Variants in PKP4 observed in about 807,000 individuals in gnomAD.
PKP4 encodes plakophilin-4.
A neutral mutation model predicts 145.1 loss-of-function variants in PKP4; 90 were observed. The observed-to-expected ratio is 0.62, with a 90% CI of 0.52 to 0.74. PKP4 has a LOEUF of 0.74. PKP4 is among the 30% of genes least tolerant of loss of function. The probability of loss-of-function intolerance (pLI) is 0.00; values close to 1 mark genes in which losing one functional copy is unlikely to be tolerated. For synonymous variants in PKP4, 563 were observed against 577.2 expected (o/e 0.98, Z 0.35); for missense variants, 1,340 against 1,482.7 (o/e 0.90, Z 1.58).
chr2:158,509,661 G>A (rs1341273428), intron 1 of PKP4, among the ~76,000 whole-genome samples: 1 of 152,140 alleles, frequency 6.6e-6, no homozygotes, highest in Non-Finnish European at 1.5e-5. Flanking sequence ...AGAAATACTA[G>A]TGTGGGCCGG....
At chr2:158,494,846 T>C (rs1356066553) in intron 1 of PKP4, among the ~76,000 whole-genome samples, 1 of 152,024 alleles carries the variant, frequency 6.6e-6, no homozygotes, top group African/African-American at 2.4e-5. Context: ...TGCAAAAACT[T>C]TAATGAGATG....
chr2:158,532,479 T>C (rs568255415), intron 1 of PKP4, among the ~76,000 whole-genome samples: 2 of 152,334 alleles, frequency 1.3e-5, no homozygotes, highest in East Asian at 3.9e-4. Context: ...GATGTGTAAA[T>C]GAGTTATTAA....
intron 15 of PKP4, among the ~76,000 whole-genome samples, chr2:158,665,455 G>T (rs1458859743): frequency 6.6e-6 from 1 of 152,164 alleles, no homozygotes; most frequent in Non-Finnish European, 1.5e-5. Context: ...CAAGAAACTG[G>T]ATGGTCAATC....
chr2:158,555,486 A>C (rs973126870), intron 2 of PKP4, among the ~76,000 whole-genome samples: 5 of 152,254 alleles, frequency 3.3e-5, no homozygotes, highest in Non-Finnish European at 7.3e-5. Flanking sequence ...ATTAGCATCA[A>C]TAACTAAGAA....
intron 2 of PKP4, among the ~76,000 whole-genome samples, chr2:158,554,941 A>G (rs2045964646): frequency 6.6e-6 from 1 of 151,814 alleles, no homozygotes; most frequent in Admixed American, 6.6e-5. Context: ...TGCACAGTGC[A>G]TGTTTCTGTT....
chr2:158,472,628 AAAAAAGAATT>A (rs1313267945), intron 1 of PKP4, among the ~76,000 whole-genome samples: 2 of 151,568 alleles, frequency 1.3e-5, no homozygotes, highest in Non-Finnish European at 2.9e-5. Context: ...AAAAAAAAAA[AAAAAAGAATT>A]AAAAACTATC....
intron 2 of PKP4, among the ~76,000 whole-genome samples, chr2:158,553,033 T>A (rs1286902268): frequency 2.0e-5 from 3 of 152,106 alleles, no homozygotes. Context: ...GAATTGTCTC[T>A]CCCAGTCCTG....
chr2:158,666,622 C>T (rs767502925), intron 16 of PKP4, 59 bp downstream of exon 16: 2 of 1,415,998 alleles, frequency 1.4e-6, no homozygotes, highest in Non-Finnish European at 1.9e-6. Context: ...ATTCATGAAA[C>T]TCTTCTTTTG....
At chr2:158,566,983 G>A (rs1313791973) in intron 2 of PKP4, among the ~76,000 whole-genome samples, 4 of 152,182 alleles carry the variant, frequency 2.6e-5, no homozygotes, top group African/African-American at 9.7e-5. Flanking sequence ...TGCTAAGGCT[G>A]GAAACTCCTG....
intron 2 of PKP4, among the ~76,000 whole-genome samples, chr2:158,570,371 A>G (rs2047319531): frequency 6.6e-6 from 1 of 152,236 alleles, no homozygotes; most frequent in African/African-American, 2.4e-5. Flanking sequence ...GATGTGGGAA[A>G]TGGGGAGAAA....
chr2:158,543,449 C>T (rs558585807), intron 2 of PKP4, among the ~76,000 whole-genome samples: 15 of 152,212 alleles, frequency 9.9e-5, no homozygotes, highest in African/African-American at 1.4e-4. Flanking sequence ...GGTCTTATGT[C>T]GGGGGAAGAG....
intron 1 of PKP4, among the ~76,000 whole-genome samples, chr2:158,497,296 A>C (rs1695882940): frequency 6.7e-6 from 1 of 149,410 alleles, no homozygotes; most frequent in Admixed American, 6.7e-5. Flanking sequence ...TTTCAGTGTT[A>C]CGCAGTATTT....
chr2:158,621,427 C>T lies in PKP4; in HGVS notation c.603+6C>T. ...AAGGACAAACACTGGTTCAGGTAAG[C>T]CAAACGCATCAAGATCTCTGCAAAG... On this transcript the variant is annotated splice_donor_region_variant and intron_variant, in intron 6 of 21. Coordinates refer to ENST00000389759, the MANE Select transcript of PKP4 (RefSeq NM_003628.6). The T allele has an allele frequency of 6.2e-7, 1 of 1,611,186 alleles. No homozygotes were observed. Among genetic ancestry groups the T allele is most frequent in the South Asian group, 1.1e-5 (1 of 90,972 alleles).
At chr2:158,537,752 G>A (rs956375177) in intron 2 of PKP4, among the ~76,000 whole-genome samples, 1 of 152,166 alleles carries the variant, frequency 6.6e-6, no homozygotes, top group African/African-American at 2.4e-5. Flanking sequence ...ACAGCGCTGG[G>A]CATGGTGGTT....
chr2:158,502,992 T>C (rs1696811725), intron 1 of PKP4, among the ~76,000 whole-genome samples: 1 of 152,244 alleles, frequency 6.6e-6, no homozygotes, highest in African/African-American at 2.4e-5. Context: ...TTAAAGACTT[T>C]AGGCCTGTAA....
chr2:158,658,035 C>A, intron 11 of PKP4, 96 bp from the exon 12 acceptor site: 1 of 752,840 alleles, frequency 1.3e-6, no homozygotes, highest in Non-Finnish European at 2.2e-6. Context: ...AGGTTTGGAA[C>A]AGACTGACTT....
intron 2 of PKP4, among the ~76,000 whole-genome samples, chr2:158,536,629 T>C (rs2044071095): frequency 6.6e-6 from 1 of 152,220 alleles, no homozygotes; most frequent in African/African-American, 2.4e-5. Context: ...TGGGCTATGC[T>C]TTCCCTAGAA....
In PKP4 at chr2:158,625,360, G is replaced by A; in HGVS notation, c.1086G>A (p.Glu362=). 6.2e-7 allele frequency: 1 copy of A among 1,614,200 alleles called. No individual in the cohort carries two copies. Among genetic ancestry groups the A allele is most frequent in the Admixed American group, 1.7e-5 (1 of 60,026 alleles). ...PSLQRTVHDM[E]QFGQQQYDIY... ...TGCAAAGGACTGTTCATGACATGGA[G>A]CAATTCGGACAGCAGCAGTATGACA... The change falls in exon 7 of 22, where the codon GAG becomes GAA. Residue 362 remains glutamate (E), a synonymous_variant. Transcript: ENST00000389759.
intron 2 of PKP4, among the ~76,000 whole-genome samples, chr2:158,561,828 G>T (rs2046549023): frequency 6.7e-6 from 1 of 149,846 alleles, no homozygotes; most frequent in Non-Finnish European, 1.5e-5. Context: ...TAGGGTACAT[G>T]TGCACAACAT....
Sources: gnomAD v4.1 joint callset for allele counts (sites outside exome capture counted in the v4.1 genomes callset) on GRCh38, gnomAD v4.1.1 for gene constraint, MANE v1.5 for transcripts, NCBI Gene and HGNC (gene_info 2026-07-23, HGNC 2026-07-21) for gene names.